The following MAST2 variants were observed in gnomAD, a reference collection of about 807,000 sequenced individuals.
MAST2 encodes microtubule associated serine/threonine kinase 2.
Under a neutral mutation model 147.4 loss-of-function variants are expected in MAST2, and 70 were observed. The ratio of observed to expected loss-of-function variants is 0.47; its 90% confidence interval spans 0.39 to 0.58. The LOEUF (loss-of-function observed/expected upper bound fraction) is 0.58, where lower values mean the gene tolerates loss of function less well. Ranked by LOEUF, MAST2 falls within the 20% of genes least tolerant of loss-of-function variation. The probability of loss-of-function intolerance (pLI) is 0.00; values close to 1 mark genes in which losing one functional copy is unlikely to be tolerated. For synonymous variants in MAST2, 869 were observed against 896.8 expected (o/e 0.97, Z 0.55); for missense variants, 2,080 against 2,302.3 (o/e 0.90, Z 1.98).
intron 5 of MAST2, among the ~76,000 whole-genome samples, chr1:45,981,706 T>G (rs1644413148): frequency 6.6e-6 from 1 of 152,184 alleles, no homozygotes; most frequent in African/African-American, 2.4e-5. Context: ...AGAAGCAAGA[T>G]GGAGTTGGTT....
Position 45,990,954 on chromosome 1 carries a change from C to T in MAST2, c.593-6770C>T, listed in dbSNP as rs114653131. On this transcript the variant is annotated intron_variant, in intron 5 of 28. Coordinates refer to ENST00000361297, the MANE Select transcript of MAST2 (RefSeq NM_015112.3). The stretch of plus-strand genomic sequence containing the variant: ...TATCCTAAAAATTCATCGCCAAACC[C>T]AAGGTCACCTAGATTTTGTCCTATG... Among the ~76,000 whole-genome samples, 813 of 152,242 alleles carry T rather than the reference C, an allele frequency of 5.3e-3. 3 individuals are homozygous for T. Among genetic ancestry groups the T allele is most frequent in the Non-Finnish European group, 9.3e-3 (630 of 68,024 alleles).
intron 10 of MAST2, among the ~76,000 whole-genome samples, chr1:46,016,137 A>G (rs1437175445): frequency 1.3e-5 from 2 of 149,618 alleles, no homozygotes; most frequent in African/African-American, 2.5e-5. Flanking sequence ...CCTTCATGCT[A>G]AAAACTCTCA....
chr1:45,861,558 G>A (rs1242038926), intron 3 of MAST2, among the ~76,000 whole-genome samples: 1 of 151,704 alleles, frequency 6.6e-6, no homozygotes, highest in South Asian at 2.1e-4. Flanking sequence ...ACCTGTACCT[G>A]CTTTTTCCTT....
rs1010517428 is a variant in MAST2 at position 46,030,818 on chromosome 1, G to T, written c.2708+57G>T. ...ACACAGCTATCCCTGCATTGTCACAGATCATGGGAGAGATTCCGATGCCAG... is the reference window on the plus strand; with the variant it reads ...ACACAGCTATCCCTGCATTGTCACATATCATGGGAGAGATTCCGATGCCAG... On this transcript the variant is annotated intron_variant, in intron 22 of 28. Coordinates refer to ENST00000361297, the MANE Select transcript of MAST2 (RefSeq NM_015112.3). 8.0e-6 allele frequency: 12 copies of T among 1,499,346 alleles called. No homozygotes were observed. In the African/African-American group the frequency reaches 1.5e-4, roughly 19 times the overall value. 92.9% of individuals were successfully genotyped at this position (1,499,346 alleles called of 1,614,324 possible). A position where few individuals can be genotyped will look rare whatever the true frequency, so the allele number is the denominator to read the frequency against.
At position 45,966,497 on chromosome 1, in the gene MAST2, A is replaced by G. The variant is rs2148957185; in HGVS notation, c.592+7020A>G. Among the ~76,000 whole-genome samples, 3 of 152,152 alleles carry G rather than the reference A, an allele frequency of 2.0e-5. No homozygotes were observed. The Middle Eastern group carries it at 0.01, about 528-fold the overall frequency. ...CTGTAATCCCACACTTTGGGAGGCC[A>G]AGGTGGGCAGATCACTTAAAGTCAG... On this transcript the variant is annotated intron_variant, in intron 5 of 28. Transcript: ENST00000361297.
chr1:45,847,102 G>T (rs910307930), intron 3 of MAST2: 12 of 482,324 alleles, frequency 2.5e-5, no homozygotes, highest in East Asian at 5.8e-5. Context: ...CACTTCTTGG[G>T]AATTGCATCA....
chr1:46,013,705 A>G (rs890780056), intron 10 of MAST2, among the ~76,000 whole-genome samples: 21 of 152,108 alleles, frequency 1.4e-4, no homozygotes, highest in African/African-American at 4.8e-4. Flanking sequence ...GAAAAGAAAA[A>G]GACACAGAGC....
chr1:45,881,503 A>G (rs867040959), intron 3 of MAST2, among the ~76,000 whole-genome samples: 5 of 152,338 alleles, frequency 3.3e-5, no homozygotes, highest in South Asian at 2.1e-4. Flanking sequence ...TTAATTTAGG[A>G]CTGGTGGGAG....
intron 4 of MAST2, among the ~76,000 whole-genome samples, chr1:45,918,495 A>G (rs1652920025): frequency 1.3e-5 from 2 of 152,154 alleles, no homozygotes; most frequent in South Asian, 4.1e-4. Flanking sequence ...CTGGAGTGCA[A>G]TGGCACAATC....
In MAST2 at chr1:45,898,144, A is replaced by G. The variant is rs182467950; in HGVS notation, c.500+15749A>G. Among the ~76,000 whole-genome samples the G allele has an allele frequency of 3.5e-3, 530 of 152,186 alleles. 2 individuals are homozygous for G. Among genetic ancestry groups the G allele is most frequent in the Non-Finnish European group, 5.8e-3 (395 of 67,984 alleles). ...ACAAACGAAACCAAAAAAAGAAAAGAAAAAGAAAAAATTATAGTAGTTATA... is the reference window on the plus strand; with the variant it reads ...ACAAACGAAACCAAAAAAAGAAAAGGAAAAGAAAAAATTATAGTAGTTATA... On this transcript the variant is annotated intron_variant, in intron 4 of 28. Coordinates refer to ENST00000361297, the MANE Select transcript of MAST2 (RefSeq NM_015112.3).
At chr1:45,919,122 C>A (rs2148629880) in intron 4 of MAST2, among the ~76,000 whole-genome samples, 1 of 152,070 alleles carries the variant, frequency 6.6e-6, no homozygotes, top group South Asian at 2.1e-4. Context: ...GTCAAAAAAA[C>A]AAAAACTAAC....
rs539004636 is a variant in MAST2 at position 45,806,702 on chromosome 1, C to G, written c.177+2630C>G. ...AAGCGATTCTCTTGCCTCAGCCTCC[C>G]GAGTAGCTGGGATTACAGGCATGCA... On this transcript the variant is annotated intron_variant, in intron 1 of 28. Transcript: ENST00000361297. Among the ~76,000 whole-genome samples, 28 of 152,290 alleles carry G rather than the reference C, an allele frequency of 1.8e-4. No homozygotes were observed. The East Asian group carries it at 4.3e-3, about 23-fold the overall frequency.
intron 4 of MAST2, among the ~76,000 whole-genome samples, chr1:45,912,043 G>A (rs1651762150): frequency 6.6e-6 from 1 of 151,930 alleles, no homozygotes; most frequent in African/African-American, 2.4e-5. Context: ...ATCATCACAA[G>A]GCTTTCCAAA....
In MAST2 at chr1:45,803,951, A is replaced by G. The variant is rs1644062399; in HGVS notation, c.56A>G (p.Glu19Gly). ...CAGCCGCCGCCGCCCGACCGCCGGG[A>G]GGATGGAGTTCAGCGGGCAGCGGAG... The part of the protein sequence containing the change: ...RPQPPPPDRR[E>G]DGVQRAAELS... The change falls in exon 1 of 29, where the codon GAG (glutamate) becomes GGG (glycine). Residue 19 changes from glutamate to glycine, a missense_variant. Physicochemically the swap from Glu to Gly is moderately conservative, Grantham distance 98. Coordinates refer to ENST00000361297, the MANE Select transcript of MAST2 (RefSeq NM_015112.3). 1.1e-6 allele frequency: 1 copy of G among 948,384 alleles called. No homozygotes were observed. The highest frequency in any genetic ancestry group is 2.6e-5 in the South Asian group (1 of 37,904). 58.7% of individuals were successfully genotyped at this position (948,384 alleles called of 1,614,324 possible).
At chr1:45,860,787 A>G (rs1050500108) in intron 3 of MAST2, among the ~76,000 whole-genome samples, 2 of 152,000 alleles carry the variant, frequency 1.3e-5, no homozygotes, top group African/African-American at 4.8e-5. Flanking sequence ...AGCCGAGATC[A>G]TGCCATTGCA....
At chr1:45,849,376 A>G (rs1251218804) in intron 3 of MAST2, among the ~76,000 whole-genome samples, 3 of 152,174 alleles carry the variant, frequency 2.0e-5, no homozygotes, top group African/African-American at 7.2e-5. Flanking sequence ...TACTGGTACA[A>G]AAGGCACATA....
At chr1:45,856,038 C>G (rs774384409) in intron 3 of MAST2, among the ~76,000 whole-genome samples, 1 of 152,122 alleles carries the variant, frequency 6.6e-6, no homozygotes, top group Non-Finnish European at 1.5e-5. Context: ...ATGCTGAAGG[C>G]AGGAAAAGCT....
intron 4 of MAST2, among the ~76,000 whole-genome samples, chr1:45,884,720 CT>C (rs1342184936): frequency 6.6e-6 from 1 of 152,150 alleles, no homozygotes; most frequent in Non-Finnish European, 1.5e-5. Flanking sequence ...CCTTTCTTAT[CT>C]TTAACATTAG....
intron 3 of MAST2, among the ~76,000 whole-genome samples, chr1:45,849,530 CT>C (rs71062718): frequency 0.94 from 131,007 of 138,682 alleles, 61,888 homozygotes; most frequent in East Asian, 0.99. Flanking sequence ...CCCCTCTTTT[CT>C]TTTTTTTTTT....
Sources: allele counts gnomAD v4.1 joint callset (sites outside exome capture counted in the v4.1 genomes callset), GRCh38; gene constraint gnomAD v4.1.1; transcripts MANE v1.5; gene names NCBI Gene and HGNC (gene_info 2026-07-23, HGNC 2026-07-21).